TFEC: variants seen among roughly 807,000 people sequenced by gnomAD.
TFEC encodes transcription factor EC.
TFEC carries 31 observed loss-of-function variants against 41.6 expected under a neutral mutation model. That is an observed-to-expected ratio of 0.74 (90% CI 0.56 to 1.01). TFEC has a LOEUF of 1.01. Ranked by LOEUF, TFEC falls within the 50% of genes least tolerant of loss-of-function variation. TFEC has a pLI of 0.00. For missense variants in TFEC, 402 were observed against 404.1 expected, an observed-to-expected ratio of 0.99 and a Z score of 0.04; for synonymous variants, 143 against 140.6, an observed-to-expected ratio of 1.02 and a Z score of -0.12.
chr7:116,115,814 T>C (rs1287113713), intron 1 of TFEC, among the ~76,000 whole-genome samples: 1 of 151,996 alleles, frequency 6.6e-6, no homozygotes, highest in African/African-American at 2.4e-5. Flanking sequence ...CCAGCTTGCT[T>C]GCTTCACAGA....
intron 3 of TFEC, among the ~76,000 whole-genome samples, chr7:116,081,694 G>A (rs1285439322): frequency 6.6e-6 from 1 of 152,024 alleles, no homozygotes; most frequent in Admixed American, 6.6e-5. Flanking sequence ...AAATTCTTTA[G>A]CACAGATATG....
chr7:116,087,353 A>T (rs1427001742), intron 3 of TFEC, among the ~76,000 whole-genome samples: 1 of 152,040 alleles, frequency 6.6e-6, no homozygotes. Context: ...TTTAATATTT[A>T]GGCCCTTCAA....
rs572119521 is a variant in TFEC at position 115,974,406 on chromosome 7, T to TTATA, written c.181-154_181-151dup. 6.5e-3 allele frequency: 419 copies of TTATA among 64,804 alleles called. 1 individual carries two copies. Among genetic ancestry groups the TTATA allele is most frequent in the Admixed American group, 0.014 (73 of 5,352 alleles). The allele number at this position is 64,804 out of a possible 1,614,324, so 4.0% of individuals were successfully genotyped here. On this transcript the variant is annotated intron_variant, in intron 2 of 7. Coordinates refer to ENST00000265440, the MANE Select transcript of TFEC (RefSeq NM_012252.4). ...TATACATATATATAAAACCTCAATA[T>TTATA]TATATATATATATATATATATATAT...
At chr7:116,044,396 T>C (rs1303246432) in intron 3 of TFEC, among the ~76,000 whole-genome samples, 1 of 152,214 alleles carries the variant, frequency 6.6e-6, no homozygotes, top group Non-Finnish European at 1.5e-5. Context: ...ATATTCAAAA[T>C]AAGAAAGTAT....
chr7:116,047,972 C>T lies in TFEC; in HGVS notation c.198+62736G>A, dbSNP rs146687140. Among the ~76,000 whole-genome samples the T allele has an allele frequency of 9.6e-3, 1,457 of 152,286 alleles. 18 individuals are homozygous for T. Among genetic ancestry groups the T allele is most frequent in the African/African-American group, 0.033 (1,365 of 41,552 alleles). On this transcript the variant is annotated intron_variant, in intron 3 of 8. Coordinates refer to the TFEC transcript ENST00000484212. Reference sequence around the variant, plus strand: ...AACAGAAAGGACATCCGCACCAAAACCCCATCAGTACATCACCATCATCAA... The same window carrying T: ...AACAGAAAGGACATCCGCACCAAAATCCCATCAGTACATCACCATCATCAA...
intron 3 of TFEC, among the ~76,000 whole-genome samples, chr7:116,066,415 A>G (rs1229701664): frequency 1.3e-5 from 2 of 152,006 alleles, no homozygotes; most frequent in African/African-American, 4.8e-5. Context: ...AAAATAAGAT[A>G]TTTTTAGTTT....
intron 1 of TFEC, among the ~76,000 whole-genome samples, chr7:115,990,017 T>C (rs1239560989): frequency 6.6e-6 from 1 of 152,148 alleles, no homozygotes; most frequent in East Asian, 1.9e-4. Flanking sequence ...GGTGCCCCTC[T>C]GAGATAAAGC....
At chr7:116,018,663 T>C (rs1795283040) in intron 1 of TFEC, among the ~76,000 whole-genome samples, 1 of 152,226 alleles carries the variant, frequency 6.6e-6, no homozygotes, top group African/African-American at 2.4e-5. Context: ...AAGTTTTTAT[T>C]AGATTTTCCC....
intron 3 of TFEC, chr7:115,968,215 C>T (rs999604585): frequency 1.3e-6 from 2 of 1,531,380 alleles, no homozygotes; most frequent in Non-Finnish European, 1.7e-6. Context: ...CTATAACCTT[C>T]ACAATAGCAA....
At chr7:116,080,325 T>G (rs1203502302) in intron 3 of TFEC, among the ~76,000 whole-genome samples, 3 of 151,874 alleles carry the variant, frequency 2.0e-5, no homozygotes, top group Admixed American at 6.6e-5. Flanking sequence ...TAGATGGGAC[T>G]TAATTAAACT....
chr7:116,060,046 A>G (rs1271651160), intron 3 of TFEC, among the ~76,000 whole-genome samples: 1 of 152,092 alleles, frequency 6.6e-6, no homozygotes, highest in African/African-American at 2.4e-5. Context: ...AGATCACATG[A>G]GTGTCTATGT....
rs1485971231 is a variant in TFEC, at chr7:115,956,663, A to C, written c.382+16T>G. On this transcript the variant is annotated intron_variant, in intron 4 of 7. Coordinates refer to ENST00000265440, the MANE Select transcript of TFEC (RefSeq NM_012252.4). Reference sequence around the variant, plus strand: ...TAATAAAAATAAAAAGGGTAAAACTATAAAAGCAACATTACCTGTAATTTC... The same window carrying C: ...TAATAAAAATAAAAAGGGTAAAACTCTAAAAGCAACATTACCTGTAATTTC... 6.4e-7 allele frequency: 1 copy of C among 1,573,522 alleles called. No homozygotes were observed. Among genetic ancestry groups the C allele is most frequent in the African/African-American group, 1.4e-5 (1 of 73,416 alleles).
intron 3 of TFEC, among the ~76,000 whole-genome samples, chr7:116,066,348 T>C (rs1178267988): frequency 6.6e-6 from 1 of 152,126 alleles, no homozygotes; most frequent in Non-Finnish European, 1.5e-5. Flanking sequence ...GTCTTTCTTT[T>C]GATATAAGTT....
chr7:115,954,528 C>A, intron 5 of TFEC, 58 bp downstream of exon 5: 3 of 1,460,010 alleles, frequency 2.1e-6, no homozygotes, highest in Non-Finnish European at 2.8e-6. Flanking sequence ...AGACCACACA[C>A]CTTAACCTCT....
intron 1 of TFEC, among the ~76,000 whole-genome samples, chr7:116,124,550 A>C (rs1229667374): frequency 1.3e-5 from 2 of 152,168 alleles, no homozygotes; most frequent in Admixed American, 6.5e-5. Flanking sequence ...ATATTAAATA[A>C]TCTACTCAAA....
At chr7:116,046,783 C>T (rs956492148) in intron 3 of TFEC, among the ~76,000 whole-genome samples, 27 of 152,176 alleles carry the variant, frequency 1.8e-4, no homozygotes, top group African/African-American at 6.5e-4. Context: ...TTAATGTCCA[C>T]CCTTTTGTTT....
Position 115,940,419 on chromosome 7 carries a change from A to C in TFEC, c.*132T>G. 1 of 955,850 alleles carries C rather than the reference A, an allele frequency of 1.0e-6. No homozygotes were observed. Among genetic ancestry groups the C allele is most frequent in the Non-Finnish European group, 1.5e-6 (1 of 677,132 alleles). The allele number at this position is 955,850 out of a possible 1,614,324, so 59.2% of individuals were successfully genotyped here. A position where few individuals can be genotyped will look rare whatever the true frequency, so the allele number is the denominator to read the frequency against. On this transcript the variant is annotated 3_prime_UTR_variant, in exon 8 of 8. Transcript: ENST00000265440. Reference sequence around the variant, plus strand: ...TCCTGCGAATTCTTCTGTTGCTTCTATCAGTTTTTCATGAACAACACATTC... The same window carrying C: ...TCCTGCGAATTCTTCTGTTGCTTCTCTCAGTTTTTCATGAACAACACATTC...
chr7:115,997,527 C>T (rs28862290), intron 1 of TFEC, among the ~76,000 whole-genome samples: 19,247 of 150,370 alleles, frequency 0.13, 1,324 homozygotes, highest in Middle Eastern at 0.18. Flanking sequence ...GAATACCTAA[C>T]TCTTCACTGC....
intron 6 of TFEC, among the ~76,000 whole-genome samples, chr7:115,949,650 G>T (rs75338923): frequency 0.14 from 21,837 of 151,442 alleles, 2,104 homozygotes; most frequent in Non-Finnish European, 0.22. Context: ...TAGCCATATG[G>T]AGAAAGCTGA....
Sources: allele counts gnomAD v4.1 joint callset (sites outside exome capture counted in the v4.1 genomes callset), GRCh38; gene constraint gnomAD v4.1.1; transcripts MANE v1.5; gene names NCBI Gene and HGNC (gene_info 2026-07-23, HGNC 2026-07-21).